RPH3A: variants seen among roughly 807,000 people sequenced by gnomAD.
RPH3A encodes rabphilin 3A.
RPH3A carries 48 observed loss-of-function variants against 102.2 expected under a neutral mutation model. The observed-to-expected ratio is 0.47, with a 90% CI of 0.37 to 0.60. RPH3A has a LOEUF of 0.60. Among genes scored for constraint, RPH3A ranks in the 20% least tolerant of loss-of-function variants. The probability of loss-of-function intolerance (pLI) is 0.00; values close to 1 mark genes in which losing one functional copy is unlikely to be tolerated. For missense variants in RPH3A, 781 were observed against 910.1 expected (o/e 0.86, Z 1.83); for synonymous variants, 310 against 324.3 (o/e 0.96, Z 0.47).
At chr12:112,781,641 C>T (rs2041008498) in intron 1 of RPH3A, among the ~76,000 whole-genome samples, 1 of 152,224 alleles carries the variant, frequency 6.6e-6, no homozygotes, top group Non-Finnish European at 1.5e-5. Flanking sequence ...ACCTCTCACC[C>T]AGGAAATAAA....
At chr12:112,683,151 G>C (rs772700001) in intron 1 of RPH3A, among the ~76,000 whole-genome samples, 2 of 152,156 alleles carry the variant, frequency 1.3e-5, no homozygotes, top group Non-Finnish European at 2.9e-5. Context: ...ATAAATATTT[G>C]TTGACTTGGT....
intron 2 of RPH3A, among the ~76,000 whole-genome samples, chr12:112,798,701 G>C (rs779215663): frequency 3.7e-4 from 56 of 151,874 alleles, no homozygotes; most frequent in African/African-American, 3.9e-4. Flanking sequence ...CTCTGTCACT[G>C]TGGTGCTAAG....
intron 20 of RPH3A, chr12:112,895,458 C>T (rs2043164586): frequency 4.1e-6 from 1 of 242,220 alleles, no homozygotes; most frequent in Non-Finnish European, 8.1e-6. Flanking sequence ...TCATAAACTA[C>T]CAGAGGGGAA....
intron 21 of RPH3A, 149 bp from the exon 22 acceptor site, chr12:112,896,501 G>A (rs983859513): frequency 1.8e-5 from 15 of 846,950 alleles, no homozygotes; most frequent in South Asian, 5.5e-5. Context: ...AACAACAACA[G>A]CAGCAACGTT....
chr12:112,814,931 G>A (rs1052779727), intron 2 of RPH3A, among the ~76,000 whole-genome samples: 1 of 152,160 alleles, frequency 6.6e-6, no homozygotes, highest in East Asian at 1.9e-4. Flanking sequence ...CAAGTGTGGC[G>A]CCATCATTTA....
upstream of RPH3A, among the ~76,000 whole-genome samples, chr12:112,788,210 T>A (rs2041064408): frequency 6.6e-6 from 1 of 152,268 alleles, no homozygotes; most frequent in Non-Finnish European, 1.5e-5. Context: ...CTAGATGGCA[T>A]GGTGACCAGA....
intron 2 of RPH3A, among the ~76,000 whole-genome samples, chr12:112,797,885 C>G (rs111832410): frequency 6.6e-6 from 1 of 151,880 alleles, no homozygotes; most frequent in East Asian, 1.9e-4. Flanking sequence ...ATGGAGATCT[C>G]TCTATGTTGC....
intron 1 of RPH3A, among the ~76,000 whole-genome samples, chr12:112,757,462 T>G (rs1018375868): frequency 3.3e-5 from 5 of 152,258 alleles, no homozygotes; most frequent in Non-Finnish European, 4.4e-5. Context: ...AAAGAGAGAA[T>G]CTTGAATGTT....
At chr12:112,695,434 A>G (rs962740924) in intron 1 of RPH3A, among the ~76,000 whole-genome samples, 1 of 152,240 alleles carries the variant, frequency 6.6e-6, no homozygotes, top group East Asian at 1.9e-4. Context: ...GGTATTGCCT[A>G]TCTAAAATAA....
chr12:112,606,483 G>A (rs1488821843), intron 1 of RPH3A, among the ~76,000 whole-genome samples: 1 of 152,098 alleles, frequency 6.6e-6, no homozygotes, highest in African/African-American at 2.4e-5. Flanking sequence ...CCAGTCTCAA[G>A]CAATTCTTGT....
At chr12:112,589,603 C>T (rs1327193180) in intron 1 of RPH3A, among the ~76,000 whole-genome samples, 1 of 152,190 alleles carries the variant, frequency 6.6e-6, no homozygotes, top group Non-Finnish European at 1.5e-5. Flanking sequence ...CACCTCCTCT[C>T]ACTTTCTAGC....
intron 1 of RPH3A, among the ~76,000 whole-genome samples, chr12:112,609,051 T>G (rs233714): frequency 1.3e-5 from 2 of 152,090 alleles, no homozygotes; most frequent in Non-Finnish European, 1.5e-5. Context: ...AGTGATCTCA[T>G]TGGACGATGC....
At chr12:112,767,117 CA>C (rs1262488848) in intron 1 of RPH3A, among the ~76,000 whole-genome samples, 1 of 152,198 alleles carries the variant, frequency 6.6e-6, no homozygotes, top group African/African-American at 2.4e-5. Flanking sequence ...ATGGCAAAGA[CA>C]GGGGCCCCAC....
chr12:112,640,876 A>C (rs2039885036), intron 1 of RPH3A, among the ~76,000 whole-genome samples: 1 of 152,026 alleles, frequency 6.6e-6, no homozygotes, highest in Non-Finnish European at 1.5e-5. Flanking sequence ...CTCCTTCAGC[A>C]TTTTCCCTCC....
At chr12:112,663,131 A>G (rs1216359037) in intron 1 of RPH3A, among the ~76,000 whole-genome samples, 1 of 151,348 alleles carries the variant, frequency 6.6e-6, no homozygotes, top group Non-Finnish European at 1.5e-5. Context: ...AGAAAGATTA[A>G]TTAAGCTTCT....
chr12:112,669,353 G>T (rs1373740782), intron 1 of RPH3A, among the ~76,000 whole-genome samples: 1 of 152,186 alleles, frequency 6.6e-6, no homozygotes, highest in Non-Finnish European at 1.5e-5. Flanking sequence ...TATATACAAT[G>T]ATCATGTGCC....
chr12:112,857,719 C>T (rs1266226497), intron 5 of RPH3A, among the ~76,000 whole-genome samples: 1 of 152,200 alleles, frequency 6.6e-6, no homozygotes, highest in African/African-American at 2.4e-5. Context: ...CCAGCAGCCA[C>T]AGAAAGCTAA....
At chr12:112,629,383 G>A (rs1275495527) in intron 1 of RPH3A, among the ~76,000 whole-genome samples, 25 of 113,652 alleles carry the variant, frequency 2.2e-4, no homozygotes, top group Non-Finnish European at 1.7e-5. Flanking sequence ...ACAATTAGCT[G>A]CTGATGTTTG....
At chr12:112,721,513 T>A (rs1169170313) in intron 1 of RPH3A, among the ~76,000 whole-genome samples, 1 of 152,196 alleles carries the variant, frequency 6.6e-6, no homozygotes, top group Non-Finnish European at 1.5e-5. Context: ...TTAGAAAACA[T>A]TAATGTACTT....
Sources: allele counts gnomAD v4.1 joint callset (sites outside exome capture counted in the v4.1 genomes callset), GRCh38; gene constraint gnomAD v4.1.1; transcripts MANE v1.5; gene names NCBI Gene and HGNC (gene_info 2026-07-23, HGNC 2026-07-21).